RHOJ: variants seen among roughly 807,000 people sequenced by gnomAD.
RHOJ encodes the protein ras homolog family member J, also known as rho-related GTP-binding protein RhoJ.
RHOJ carries 11 observed loss-of-function variants against 23.4 expected under a neutral mutation model. That is an observed-to-expected ratio of 0.47 (90% CI 0.30 to 0.78). The LOEUF (loss-of-function observed/expected upper bound fraction) is 0.78. Among genes scored for constraint, RHOJ ranks in the 30% least tolerant of loss-of-function variants. RHOJ has a pLI of 0.08. For synonymous variants in RHOJ, 102 were observed against 102.7 expected (o/e 0.99, Z 0.04); for missense variants, 254 against 273.4 (o/e 0.93, Z 0.50).
At chr14:63,207,929 C>A (rs942840738) in intron 1 of RHOJ, among the ~76,000 whole-genome samples, 5 of 152,086 alleles carry the variant, frequency 3.3e-5, no homozygotes, top group African/African-American at 1.2e-4. Flanking sequence ...AGTCTCGATA[C>A]TTGCATACAG....
At chr14:63,241,239 G>C (rs1249342786) in intron 1 of RHOJ, among the ~76,000 whole-genome samples, 4 of 152,230 alleles carry the variant, frequency 2.6e-5, no homozygotes, top group Non-Finnish European at 5.9e-5. Context: ...AAAATTCAGT[G>C]TCATCCTAAA....
Position 63,204,822 on chromosome 14 carries a change from CAGG to C in RHOJ, c.-45_-43del. The C allele has an allele frequency of 1.3e-6, 2 of 1,561,684 alleles. No homozygotes were observed. The highest frequency in any genetic ancestry group is 1.7e-6 in the Non-Finnish European group (2 of 1,148,840). On this transcript the variant is annotated 5_prime_UTR_variant, in exon 1 of 5. Transcript: ENST00000316754. ...GCCGCTTCATGTGCTTTGGAAAAAGCAGGAGAAGCAATAGCAGCAGGAGTCCCC... is the reference window on the plus strand; with the variant it reads ...GCCGCTTCATGTGCTTTGGAAAAAGCAGAAGCAATAGCAGCAGGAGTCCCC...
At chr14:63,280,891 C>G in intron 2 of RHOJ, 80 bp from the exon 3 acceptor site, 5 of 1,395,792 alleles carry the variant, frequency 3.6e-6, no homozygotes, top group Non-Finnish European at 3.9e-6. Flanking sequence ...GTAGTGGACT[C>G]TTACCTGAAA....
chr14:63,206,222 G>A (rs1894105795), intron 1 of RHOJ, among the ~76,000 whole-genome samples: 2 of 152,224 alleles, frequency 1.3e-5, no homozygotes. Context: ...CAGACAGGGA[G>A]AGAACCACAG....
Position 63,277,052 on chromosome 14 carries a change from T to A in RHOJ, c.238-3919T>A, listed in dbSNP as rs545333540. ...ATATGAGTCAAGATTCCTAGATAAG[T>A]GAGTTAAGAAAATGCTTAATCTGTC... On this transcript the variant is annotated intron_variant, in intron 2 of 4. Transcript: ENST00000316754. Among the ~76,000 whole-genome samples the A allele has an allele frequency of 3.3e-5, 5 of 152,330 alleles. No individual in the cohort carries two copies. The East Asian group carries it at 7.7e-4, about 23-fold the overall frequency.
intron 1 of RHOJ, among the ~76,000 whole-genome samples, chr14:63,241,793 G>T (rs1326659916): frequency 6.6e-6 from 1 of 152,076 alleles, no homozygotes; most frequent in Non-Finnish European, 1.5e-5. Context: ...AGGCCAGGAG[G>T]TTCCATGGAC....
At chr14:63,230,720 T>C (rs201471163) in intron 1 of RHOJ, among the ~76,000 whole-genome samples, 15 of 144,950 alleles carry the variant, frequency 1.0e-4, no homozygotes, top group South Asian at 2.2e-4. Flanking sequence ...CACACACACA[T>C]ACACACTTCT....
chr14:63,242,320 C>T (rs1380836762), intron 1 of RHOJ, among the ~76,000 whole-genome samples: 2 of 152,158 alleles, frequency 1.3e-5, no homozygotes, highest in South Asian at 2.1e-4. Flanking sequence ...TAATCCCATA[C>T]TTGAGGAGGC....
intron 1 of RHOJ, among the ~76,000 whole-genome samples, chr14:63,236,107 T>A (rs947780329): frequency 6.6e-6 from 1 of 152,224 alleles, no homozygotes; most frequent in Non-Finnish European, 1.5e-5. Flanking sequence ...CCTTTCTACA[T>A]CCTCTCTTCT....
chr14:63,221,336 G>GTA (rs533308770), intron 1 of RHOJ, among the ~76,000 whole-genome samples: 271 of 151,932 alleles, frequency 1.8e-3, no homozygotes, highest in Admixed American at 2.9e-3. Flanking sequence ...CTCAAAATAT[G>GTA]TATATATATA....
intron 1 of RHOJ, among the ~76,000 whole-genome samples, chr14:63,267,800 AT>A (rs1316187628): frequency 2.6e-5 from 4 of 152,186 alleles, no homozygotes; most frequent in African/African-American, 9.7e-5. Flanking sequence ...TAAAATACAC[AT>A]TTAACAGCTC....
At chr14:63,256,003 A>C (rs1895158233) in intron 1 of RHOJ, among the ~76,000 whole-genome samples, 1 of 152,098 alleles carries the variant, frequency 6.6e-6, no homozygotes, top group South Asian at 2.1e-4. Context: ...CAAGTCGCTA[A>C]GAGTACAGGC....
chr14:63,270,391 T>A (rs1895446678), intron 2 of RHOJ, among the ~76,000 whole-genome samples: 1 of 152,162 alleles, frequency 6.6e-6, no homozygotes, highest in African/African-American at 2.4e-5. Context: ...TCTAAGAGCA[T>A]CCGGCGTCCC....
chr14:63,292,183 C>T lies in RHOJ; in HGVS notation c.*1159C>T, dbSNP rs1882274195. 6.6e-6 allele frequency: 1 copy of T among 152,138 alleles called. No individual in the cohort carries two copies. Among genetic ancestry groups the T allele is most frequent in the African/African-American group, 2.4e-5 (1 of 41,428 alleles). The allele number at this position is 152,138 out of a possible 1,614,324, so 9.4% of individuals were successfully genotyped here. On this transcript the variant is annotated 3_prime_UTR_variant, in exon 5 of 5. Coordinates refer to ENST00000316754, the MANE Select transcript of RHOJ (RefSeq NM_020663.5). ...CTCATTCCATGTAAATGACATTTTC[C>T]AGTTACAACTGGTACTGAGATTTTG... is the stretch of plus-strand genomic sequence containing the variant.
At chr14:63,251,304 T>C (rs944044546) in intron 1 of RHOJ, among the ~76,000 whole-genome samples, 3 of 152,192 alleles carry the variant, frequency 2.0e-5, no homozygotes, top group Non-Finnish European at 4.4e-5. Context: ...AAAAGAAGTA[T>C]GTTTTATTGT....
chr14:63,267,973 A>T (rs2139653926), intron 1 of RHOJ, among the ~76,000 whole-genome samples: 1 of 152,318 alleles, frequency 6.6e-6, no homozygotes, highest in Non-Finnish European at 1.5e-5. Context: ...TAGCCCATGA[A>T]CCTGAAAAGA....
intron 1 of RHOJ, among the ~76,000 whole-genome samples, chr14:63,217,279 T>C (rs901811862): frequency 1.5e-5 from 2 of 133,224 alleles, no homozygotes; most frequent in Admixed American, 9.5e-5. Context: ...GATGTTCCCC[T>C]TCCTGTGTCC....
At chr14:63,231,981 G>T (rs143174644) in intron 1 of RHOJ, among the ~76,000 whole-genome samples, 128 of 152,290 alleles carry the variant, frequency 8.4e-4, no homozygotes, top group African/African-American at 3.0e-3. Flanking sequence ...AAATGAGGTG[G>T]GAAGTTATGG....
At chr14:63,230,510 G>T (rs1380660207) in intron 1 of RHOJ, among the ~76,000 whole-genome samples, 1 of 152,006 alleles carries the variant, frequency 6.6e-6, no homozygotes, top group Non-Finnish European at 1.5e-5. Context: ...CCACTGCCCA[G>T]CATTTATGAC....
Sources: gnomAD v4.1 joint callset for allele counts (sites outside exome capture counted in the v4.1 genomes callset) on GRCh38, gnomAD v4.1.1 for gene constraint, MANE v1.5 for transcripts, NCBI Gene and HGNC (gene_info 2026-07-23, HGNC 2026-07-21) for gene names.